The following SIPA1L2 variants were observed in gnomAD, a reference collection of about 807,000 sequenced individuals.
The protein encoded by SIPA1L2 is signal-induced proliferation-associated 1-like protein 2.
Under a neutral mutation model 163.9 loss-of-function variants are expected in SIPA1L2, and 56 were observed. The observed-to-expected ratio is 0.34, with a 90% confidence interval of 0.28 to 0.43. SIPA1L2 has a LOEUF of 0.43. Among genes scored for constraint, SIPA1L2 ranks in the 20% least tolerant of loss-of-function variants. The probability of loss-of-function intolerance (pLI) is 1.00; values close to 1 mark genes in which losing one functional copy is unlikely to be tolerated. For synonymous variants in SIPA1L2, 877 were observed against 865.7 expected (o/e 1.01, Z -0.23); for missense variants, 1,974 against 2,193.5 (o/e 0.90, Z 2.00).
chr1:232,517,539 C>T (rs747967138), intron 2 of SIPA1L2, among the ~76,000 whole-genome samples: 2 of 152,110 alleles, frequency 1.3e-5, no homozygotes, highest in African/African-American at 2.4e-5. Flanking sequence ...CTAGGATTAG[C>T]GAGAATAAGA....
At chr1:232,410,577 T>C (rs1660893365) in intron 19 of SIPA1L2, among the ~76,000 whole-genome samples, 1 of 151,342 alleles carries the variant, frequency 6.6e-6, no homozygotes, top group African/African-American at 2.4e-5. Flanking sequence ...AGGGCATCAT[T>C]ACTCTTTGAA....
chr1:232,518,448 C>T (rs1316392399), intron 2 of SIPA1L2, among the ~76,000 whole-genome samples: 1 of 152,178 alleles, frequency 6.6e-6, no homozygotes, highest in African/African-American at 2.4e-5. Context: ...TAACTCCTCC[C>T]CTGAGATTTT....
At chr1:232,458,502 TG>T (rs1448757870) in intron 10 of SIPA1L2, among the ~76,000 whole-genome samples, 18 of 152,344 alleles carry the variant, frequency 1.2e-4, no homozygotes, top group Admixed American at 1.2e-3. Flanking sequence ...ACAGATCTCT[TG>T]AAAGCTTTAA....
At chr1:232,432,054 CCTTT>C (rs975532895) in intron 16 of SIPA1L2, among the ~76,000 whole-genome samples, 189 bp downstream of exon 16, 2 of 152,014 alleles carry the variant, frequency 1.3e-5, no homozygotes, top group Non-Finnish European at 2.9e-5. Flanking sequence ...GATTTCTTTT[CCTTT>C]TTTTATGTAA....
At chr1:232,574,487 T>A (rs774346233) in intron 1 of SIPA1L2, among the ~76,000 whole-genome samples, 16 of 152,194 alleles carry the variant, frequency 1.1e-4, no homozygotes, top group Admixed American at 2.0e-4. Flanking sequence ...AGCCACACAT[T>A]AATGAAATTT....
chr1:232,398,999 G>T lies in SIPA1L2; in HGVS notation c.*128C>A. On this transcript the variant is annotated 3_prime_UTR_variant, in exon 23 of 23. Transcript: ENST00000674635. ...GGCTCCCTATCCTGCTGTGGTGAAT[G>T]GTGCTACACAGAATGGAACAGCAAA... 2 of 1,286,014 alleles carry T rather than the reference G, an allele frequency of 1.6e-6. No individual in the cohort carries two copies. Among genetic ancestry groups the T allele is most frequent in the Non-Finnish European group, 2.1e-6 (2 of 934,122 alleles). The allele number at this position is 1,286,014 out of a possible 1,614,324, so 79.7% of individuals were successfully genotyped here. A position where few individuals can be genotyped will look rare whatever the true frequency, so the allele number is the denominator to read the frequency against.
At chr1:232,478,013 C>T (rs1326886102) in intron 7 of SIPA1L2, among the ~76,000 whole-genome samples, 1 of 152,204 alleles carries the variant, frequency 6.6e-6, no homozygotes, top group Non-Finnish European at 1.5e-5. Flanking sequence ...TGAGCAACAA[C>T]TCCCACAGAG....
At chr1:232,607,774 C>A (rs187346042) in intron 1 of SIPA1L2, among the ~76,000 whole-genome samples, 3 of 146,164 alleles carry the variant, frequency 2.1e-5, no homozygotes, top group East Asian at 4.8e-4. Context: ...AAAAAAAAAA[C>A]GCCGGGCACA....
chr1:232,551,996 C>T (rs542541430), intron 2 of SIPA1L2, among the ~76,000 whole-genome samples: 13 of 152,102 alleles, frequency 8.5e-5, no homozygotes, highest in African/African-American at 2.7e-4. Context: ...CCCGCCCCCA[C>T]GCCTGGCTAA....
chr1:232,591,189 GAGTT>G (rs1660940255), intron 1 of SIPA1L2, among the ~76,000 whole-genome samples: 1 of 152,218 alleles, frequency 6.6e-6, no homozygotes, highest in African/African-American at 2.4e-5. Flanking sequence ...TAAATGGAAA[GAGTT>G]AGTTAAACAA....
chr1:232,414,302 C>T (rs1286221852), intron 19 of SIPA1L2, among the ~76,000 whole-genome samples: 1 of 152,188 alleles, frequency 6.6e-6, no homozygotes, highest in African/African-American at 2.4e-5. Flanking sequence ...CCCAGAGGCT[C>T]AGGACCAGAG....
At chr1:232,543,691 G>T (rs1453606505) in intron 2 of SIPA1L2, among the ~76,000 whole-genome samples, 1 of 152,108 alleles carries the variant, frequency 6.6e-6, no homozygotes, top group Non-Finnish European at 1.5e-5. Flanking sequence ...CAACACAGCA[G>T]GCCCTACCTT....
Position 232,514,179 on chromosome 1 carries a change from G to A in SIPA1L2, c.1161C>T (p.Leu387=). The A allele has an allele frequency of 6.2e-7, 1 of 1,614,236 alleles. No homozygotes were observed. Among genetic ancestry groups the A allele is most frequent in the Admixed American group, 1.7e-5 (1 of 60,028 alleles). The change falls in exon 3 of 23, where the codon CTC becomes CTT. Residue 387 remains leucine, a synonymous_variant. Coordinates refer to ENST00000674635, the MANE Select transcript of SIPA1L2 (RefSeq NM_020808.5). ...CESPLGSKED[L]NSKENLDADE... is the part of the protein sequence containing the mutation. ...CGGCATCCAGGTTCTCTTTGGAGTT[G>A]AGGTCCTCCTTGCTCCCTAAAGGGG... is the stretch of plus-strand genomic sequence containing the variant.
chr1:232,465,387 G>T lies in SIPA1L2; in HGVS notation c.2273C>A (p.Pro758Gln). 6.2e-7 allele frequency: 1 copy of T among 1,611,044 alleles called. No homozygotes were observed. Among genetic ancestry groups the T allele is most frequent in the East Asian group, 2.2e-5 (1 of 44,774 alleles). Residue 758 changes from proline (P) to glutamine (Q), a missense_variant, in exon 9 of 23, where the codon CCA (proline) becomes CAA (glutamine). Around this residue, in one of 3 missense-constraint regions of SIPA1L2, gnomAD observed 288 missense variants for 418.9 expected, o/e 0.69. Transcript: ENST00000674635. The surrounding 1 kb of genome is among the most constrained non-coding windows in gnomAD (Gnocchi z 4.1). ...TTTGGGAATCGGTGGGCCAAATGGT[G>T]GCACATCTTTTGATCTGGAAACTCC... is the stretch of plus-strand genomic sequence containing the variant. The part of the protein sequence containing the change: ...SVGVSRSKDV[P>Q]PFGPPIPKGV...
At chr1:232,492,389 G>A (rs1665976665) in intron 4 of SIPA1L2, among the ~76,000 whole-genome samples, 1 of 152,074 alleles carries the variant, frequency 6.6e-6, no homozygotes, top group South Asian at 2.1e-4. Context: ...AGGCTGGAGT[G>A]CAGGGCCTAT....
In SIPA1L2 at chr1:232,513,997, G is replaced by A; in HGVS notation, c.1343C>T (p.Ser448Phe). ...ESCSFESSLS[S>F]HCTNAGVSVL... ...GGAGACACCTGCATTTGTGCAGTGA[G>A]AGCTGAGTGACGATTCGAAAGAGCA... is the stretch of plus-strand genomic sequence containing the variant. Residue 448 changes from serine (S) to phenylalanine (F), a missense_variant, in exon 3 of 23, where the codon TCT becomes TTT. Around this residue, in one of 3 missense-constraint regions of SIPA1L2, gnomAD observed 607 missense variants for 624.0 expected, o/e 0.97. Coordinates refer to ENST00000674635, the MANE Select transcript of SIPA1L2 (RefSeq NM_020808.5). 1 of 1,614,206 alleles carries A rather than the reference G, an allele frequency of 6.2e-7. No homozygotes were observed.
chr1:232,498,075 C>T (rs1040993499), intron 3 of SIPA1L2, among the ~76,000 whole-genome samples: 5 of 152,148 alleles, frequency 3.3e-5, no homozygotes, highest in East Asian at 1.9e-4. Flanking sequence ...GGAAATACTC[C>T]CCTCACCTCC....
chr1:232,629,063 A>T (rs1663228360), intron 1 of SIPA1L2, among the ~76,000 whole-genome samples: 1 of 152,124 alleles, frequency 6.6e-6, no homozygotes, highest in Admixed American at 6.5e-5. Context: ...TTTTTCCAAT[A>T]CTCAGGCCAG....
At chr1:232,615,451 G>C (rs1662453395) in intron 1 of SIPA1L2, among the ~76,000 whole-genome samples, 1 of 152,184 alleles carries the variant, frequency 6.6e-6, no homozygotes, top group Non-Finnish European at 1.5e-5. Context: ...GCTCCTCAGA[G>C]TATGAGATGG....
Sources: gnomAD v4.1 joint callset for allele counts (sites outside exome capture counted in the v4.1 genomes callset) on GRCh38, gnomAD v4.1.1 for gene constraint, gnomAD v4.1.1 regional missense constraint, Gnocchi (gnomAD v3.1) non-coding constraint, MANE v1.5 for transcripts, NCBI Gene and HGNC (gene_info 2026-07-23, HGNC 2026-07-21) for gene names.